Variants in CAMKK1 observed in about 807,000 individuals in gnomAD.
CAMKK1 encodes calcium/calmodulin-dependent protein kinase kinase 1.
Under a neutral mutation model 63.5 loss-of-function variants are expected in CAMKK1, and 20 were observed. The observed-to-expected ratio is 0.32, with a 90% confidence interval of 0.22 to 0.46. CAMKK1 has a LOEUF of 0.46. CAMKK1 is among the 20% of genes least tolerant of loss of function. The pLI, the probability that CAMKK1 is intolerant of heterozygous loss-of-function variation, is 1.00. For missense variants in CAMKK1, 588 were observed against 658.1 expected, an observed-to-expected ratio of 0.89 and a Z score of 1.17; for synonymous variants, 253 against 269.0, an observed-to-expected ratio of 0.94 and a Z score of 0.58.
At chr17:3,875,847 T>A (rs2055125719) in intron 10 of CAMKK1, among the ~76,000 whole-genome samples, 1 of 152,080 alleles carries the variant, frequency 6.6e-6, no homozygotes, top group Non-Finnish European at 1.5e-5. Flanking sequence ...CAGGTCCTGC[T>A]CAGATCCTCC....
intron 15 of CAMKK1, chr17:3,865,672 A>G: frequency 7.3e-7 from 1 of 1,376,356 alleles, no homozygotes; most frequent in Non-Finnish European, 9.4e-7. Flanking sequence ...CATCCCTGGA[A>G]GTGTGTGTGT....
rs1349689995 is a variant in CAMKK1, at chr17:3,890,387, G to A, written c.-44+2552C>T. 6.6e-6 allele frequency among the ~76,000 whole-genome samples: 1 copy of A among 152,120 alleles called. No individual in the cohort carries two copies. Among genetic ancestry groups the A allele is most frequent in the Non-Finnish European group, 1.5e-5 (1 of 68,008 alleles). ...GCATCGTCCTGGCCCACCCACGGAGGCTGATGGTCTCCAGGCCTCATCCTC... is the reference window on the plus strand; with the variant it reads ...GCATCGTCCTGGCCCACCCACGGAGACTGATGGTCTCCAGGCCTCATCCTC... On this transcript the variant is annotated intron_variant, in intron 1 of 15. Transcript: ENST00000348335. This position sits in a 1 kb window ranked among gnomAD's most constrained non-coding sequence, Gnocchi z 6.5.
chr17:3,890,746 C>T lies in CAMKK1; in HGVS notation c.-44+2193G>A, dbSNP rs777505769. On this transcript the variant is annotated intron_variant, in intron 1 of 15. Transcript: ENST00000348335. This position sits in a 1 kb window ranked among gnomAD's most constrained non-coding sequence, Gnocchi z 6.5. ...CAAATTGCATACTCTGTTCTGCTGC[C>T]AGGCCTCAGTACAAGCTGTGCCTTC... The T allele has an allele frequency of 1.3e-6, 1 of 779,834 alleles. No individual in the cohort carries two copies. 48.3% of individuals were successfully genotyped at this position (779,834 alleles called of 1,614,324 possible).
Position 3,887,432 on chromosome 17 carries a change from G to C in CAMKK1, c.-43-1702C>G, listed in dbSNP as rs2055700432. ...ATGGAAGCTGGACCCAGAGGAGTGA[G>C]AGGGAGTTAATGAGGCTGGAACATC... On this transcript the variant is annotated intron_variant, in intron 1 of 15. Coordinates refer to ENST00000348335, the MANE Select transcript of CAMKK1 (RefSeq NM_032294.3). The surrounding 1 kb of genome is among the most constrained non-coding windows in gnomAD (Gnocchi z 6.1). 6.6e-6 allele frequency among the ~76,000 whole-genome samples: 1 copy of C among 152,214 alleles called. No individual in the cohort carries two copies. Among genetic ancestry groups the C allele is most frequent in the Non-Finnish European group, 1.5e-5 (1 of 68,016 alleles).
rs184371947 is a variant in CAMKK1 at position 3,863,558 on chromosome 17, T to C, written c.1446-1275A>G. Among the ~76,000 whole-genome samples the C allele has an allele frequency of 4.6e-5, 7 of 152,280 alleles. No individual in the cohort carries two copies. The East Asian group carries it at 1.4e-3, about 29-fold the overall frequency. ...AAGGATAAATATTGGGACTTGATGATGAAGTAAAATCTTCTTTCAAAGTTA... is the reference window on the plus strand; with the variant it reads ...AAGGATAAATATTGGGACTTGATGACGAAGTAAAATCTTCTTTCAAAGTTA... On this transcript the variant is annotated intron_variant, in intron 15 of 15. Transcript: ENST00000348335.
intron 8 of CAMKK1, among the ~76,000 whole-genome samples, chr17:3,881,143 C>T (rs530305054): frequency 1.3e-5 from 2 of 152,302 alleles, no homozygotes; most frequent in South Asian, 4.1e-4. Flanking sequence ...CATGTGGAAG[C>T]CTGGGCTCCA....
At chr17:3,869,226 G>A (rs1298700183) in intron 14 of CAMKK1, among the ~76,000 whole-genome samples, 1 of 152,032 alleles carries the variant, frequency 6.6e-6, no homozygotes, top group African/African-American at 2.4e-5. Flanking sequence ...CAAAGTGCTG[G>A]GATTACAGGC....
Position 3,890,871 on chromosome 17 carries a change from C to A in CAMKK1, c.-44+2068G>T. The stretch of plus-strand genomic sequence containing the variant: ...ATCTCCCCACTACCTGCTGGGTGAG[C>A]TCACCAAGTCAAACCCCTTAGAAGT... On this transcript the variant is annotated intron_variant, in intron 1 of 15. Transcript: ENST00000348335. This position sits in a 1 kb window ranked among gnomAD's most constrained non-coding sequence, Gnocchi z 6.5. The A allele has an allele frequency of 1.4e-6, 1 of 719,128 alleles. No individual in the cohort carries two copies. The highest frequency in any genetic ancestry group is 1.5e-5 in the South Asian group (1 of 67,074). The allele number at this position is 719,128 out of a possible 1,614,324, so 44.5% of individuals were successfully genotyped here.
rs1249099164 is a variant in CAMKK1, at chr17:3,884,477, T to C, written c.361-50A>G. On this transcript the variant is annotated intron_variant, in intron 2 of 15. Transcript: ENST00000348335. The surrounding 1 kb of genome is among the most constrained non-coding windows in gnomAD (Gnocchi z 4.5). ...GTGGAGCTGGGTCCGGAGGCAGCAC[T>C]GCTCCTACCTCAGAGCCCGTTCAGG... 1.9e-6 allele frequency: 3 copies of C among 1,566,066 alleles called. No homozygotes were observed. In the African/African-American group the frequency reaches 4.1e-5, roughly 21 times the overall value.
At chr17:3,871,433 A>C (rs150597902) in intron 12 of CAMKK1, among the ~76,000 whole-genome samples, 3,895 of 139,878 alleles carry the variant, frequency 0.028, 182 homozygotes, top group African/African-American at 0.097. Flanking sequence ...CAGCTCACTG[A>C]AACCTCTGCC....
At position 3,862,308 on chromosome 17, in the gene CAMKK1, A is replaced by C; in HGVS notation, c.1446-25T>G. 6.5e-7 allele frequency: 1 copy of C among 1,540,416 alleles called. No individual in the cohort carries two copies. The highest frequency in any genetic ancestry group is 8.8e-7 in the Non-Finnish European group (1 of 1,133,074). On this transcript the variant is annotated intron_variant, in intron 15 of 15. Coordinates refer to ENST00000348335, the MANE Select transcript of CAMKK1 (RefSeq NM_032294.3). The surrounding 1 kb of genome is among the most constrained non-coding windows in gnomAD (Gnocchi z 4.1). ...CCTGTTCAGGGGACACCAGGGACAG[A>C]GGGACCTCAGGGTCAGAATATGCAC... is the stretch of plus-strand genomic sequence containing the variant.
At position 3,879,978 on chromosome 17, in the gene CAMKK1, C is replaced by G. The variant is rs2055335880; in HGVS notation, c.796+368G>C. The G allele has an allele frequency of 3.9e-6, 1 of 258,284 alleles. No individual in the cohort carries two copies. The highest frequency in any genetic ancestry group is 5.2e-5 in the South Asian group (1 of 19,258). 16.0% of individuals were successfully genotyped at this position (258,284 alleles called of 1,614,324 possible). On this transcript the variant is annotated intron_variant, in intron 9 of 15. Coordinates refer to ENST00000348335, the MANE Select transcript of CAMKK1 (RefSeq NM_032294.3). This position sits in a 1 kb window ranked among gnomAD's most constrained non-coding sequence, Gnocchi z 4.5. ...TCCACCCTGCCACCATGCCCCGGCC[C>G]CATGCCAGGACAGACTCTCCCCAGC...
chr17:3,870,743 G>A (rs113865400), intron 12 of CAMKK1, among the ~76,000 whole-genome samples: 2,667 of 152,270 alleles, frequency 0.018, 50 homozygotes, highest in Non-Finnish European at 0.025. Flanking sequence ...CCACTCTCAG[G>A]ACTGTTGACT....
chr17:3,865,108 A>G (rs988997898), intron 15 of CAMKK1: 12 of 984,532 alleles, frequency 1.2e-5, no homozygotes, highest in Non-Finnish European at 1.4e-5. Context: ...TCAGGACCCC[A>G]CTGGTTTTCT....
intron 1 of CAMKK1, among the ~76,000 whole-genome samples, chr17:3,891,131 G>A (rs1416713766): frequency 2.0e-5 from 3 of 151,356 alleles, no homozygotes; most frequent in Non-Finnish European, 4.4e-5. Flanking sequence ...CACAGGCTAG[G>A]GAGCAGCCAG....
At chr17:3,869,950 C>T (rs541874587) in intron 12 of CAMKK1, 62 bp from the exon 13 acceptor site, 15 of 1,355,094 alleles carry the variant, frequency 1.1e-5, no homozygotes, top group Non-Finnish European at 1.6e-5. Context: ...TTCCTGTCCA[C>T]CTCTCTTCCC....
chr17:3,875,021 T>C (rs1597464078), intron 10 of CAMKK1, among the ~76,000 whole-genome samples: 2 of 151,042 alleles, frequency 1.3e-5, no homozygotes, highest in East Asian at 2.0e-4. Flanking sequence ...ACTCGGGAGG[T>C]TGAGGCAGGA....
intron 11 of CAMKK1, 30 bp from the exon 12 acceptor site, chr17:3,872,657 T>A (rs1408280955): frequency 6.3e-7 from 1 of 1,597,314 alleles, no homozygotes; most frequent in African/African-American, 1.3e-5. Context: ...ACAAAGGATG[T>A]GGGTCCAGGG....
Position 3,887,161 on chromosome 17 carries a change from G to A in CAMKK1, c.-43-1431C>T, listed in dbSNP as rs117472878. 0.019 allele frequency among the ~76,000 whole-genome samples: 2,929 copies of A among 152,162 alleles called. 61 individuals carry two copies. Among genetic ancestry groups the A allele is most frequent in the Non-Finnish European group, 0.024 (1,661 of 67,990 alleles). On this transcript the variant is annotated intron_variant, in intron 1 of 15. Transcript: ENST00000348335. This position sits in a 1 kb window ranked among gnomAD's most constrained non-coding sequence, Gnocchi z 6.1. ...CAGTCCTGCCTGCTGACCCACCAGG[G>A]GCCCTAGACCAGCTCCTTCCCGACT... is the stretch of plus-strand genomic sequence containing the variant.
Sources: gnomAD v4.1 joint callset for allele counts (sites outside exome capture counted in the v4.1 genomes callset) on GRCh38, gnomAD v4.1.1 for gene constraint, Gnocchi (gnomAD v3.1) non-coding constraint, MANE v1.5 for transcripts, NCBI Gene and HGNC (gene_info 2026-07-23, HGNC 2026-07-21) for gene names.